Variants in POU2AF3 observed in about 807,000 individuals in gnomAD.
POU2AF3 encodes the protein POU class 2 homeobox associating factor 3, also known as cancer susceptibility candidate 13.
chr11:111,298,906 G>T, the POU2AF3 span: 1 of 1,099,172 alleles, frequency 9.1e-7, no homozygotes, highest in Non-Finnish European at 1.1e-6. Context: ...AAGCTGCTAC[G>T]GGGGGAGCTA....
chr11:111,306,427 C>T, the POU2AF3 span: 297 of 1,473,168 alleles, frequency 2.0e-4, no homozygotes, highest in African/African-American at 3.4e-3. Flanking sequence ...ATTTCTTCCA[C>T]GCCCAATTAT....
At chr11:111,303,592 G>C in the POU2AF3 span, among the ~76,000 whole-genome samples, 1 of 152,172 alleles carries the variant, frequency 6.6e-6, no homozygotes, top group Non-Finnish European at 1.5e-5. Flanking sequence ...CTACAATGAG[G>C]CAGATTTTTT....
the POU2AF3 span, chr11:111,298,828 C>CGGGCG: frequency 3.4e-5 from 14 of 411,060 alleles, no homozygotes; most frequent in Non-Finnish European, 5.7e-5. Flanking sequence ...TACCCCAGGC[C>CGGGCG]CCCGCCCGCC....
chr11:111,298,826 G>GCCGGGCC, the POU2AF3 span: 3 of 790,962 alleles, frequency 3.8e-6, no homozygotes, highest in Non-Finnish European at 5.1e-6. Context: ...CGTACCCCAG[G>GCCGGGCC]CCCCCGCCCG....
chr11:111,299,006 C>G, the POU2AF3 span: 1 of 995,884 alleles, frequency 1.0e-6, no homozygotes, highest in Non-Finnish European at 1.2e-6. Context: ...CCGAGGGGCG[C>G]CCGCTGCCCG....
the POU2AF3 span, among the ~76,000 whole-genome samples, chr11:111,307,461 A>G: frequency 2.0e-5 from 3 of 152,306 alleles, no homozygotes; most frequent in Middle Eastern, 3.4e-3. Context: ...TCACGGGGAA[A>G]ATATGGGGCC....
At chr11:111,303,444 T>C in the POU2AF3 span, among the ~76,000 whole-genome samples, 1 of 152,200 alleles carries the variant, frequency 6.6e-6, no homozygotes, top group African/African-American at 2.4e-5. Context: ...TTTGTATTCT[T>C]GGAGCAAAGT....
chr11:111,298,940 G>A, the POU2AF3 span: 10 of 1,043,412 alleles, frequency 9.6e-6, no homozygotes, highest in Non-Finnish European at 1.0e-5. Context: ...AGCCTGGGAC[G>A]GGGGCAGAGC....
At chr11:111,306,037 G>C in the POU2AF3 span, among the ~76,000 whole-genome samples, 1 of 152,180 alleles carries the variant, frequency 6.6e-6, no homozygotes, top group Non-Finnish European at 1.5e-5. Context: ...TTACTTCTGA[G>C]AGGTTTACGT....
chr11:111,300,972 C>G, the POU2AF3 span, among the ~76,000 whole-genome samples: 1 of 152,186 alleles, frequency 6.6e-6, no homozygotes, highest in South Asian at 2.1e-4. Flanking sequence ...CTTGCAGACC[C>G]ATAGAAAATC....
chr11:111,298,826 G>GGCGGCC, the POU2AF3 span: 2 of 790,962 alleles, frequency 2.5e-6, no homozygotes, highest in Non-Finnish European at 3.4e-6. Flanking sequence ...CGTACCCCAG[G>GGCGGCC]CCCCCGCCCG....
the POU2AF3 span, chr11:111,298,826 G>GCGGGGGGGGGC: frequency 1.2e-4 from 98 of 790,944 alleles, no homozygotes; most frequent in South Asian, 2.0e-4. Context: ...CGTACCCCAG[G>GCGGGGGGGGGC]CCCCCGCCCG....
At chr11:111,299,207 G>T in the POU2AF3 span, 1 of 977,464 alleles carries the variant, frequency 1.0e-6, no homozygotes, top group Non-Finnish European at 1.2e-6. Context: ...CTGCTGTCCA[G>T]CTGCGGTCCC....
At chr11:111,303,090 A>G in the POU2AF3 span, among the ~76,000 whole-genome samples, 1 of 152,228 alleles carries the variant, frequency 6.6e-6, no homozygotes. Context: ...TTAAGAAGGC[A>G]ATCACGAATG....
chr11:111,307,389 T>C, the POU2AF3 span, among the ~76,000 whole-genome samples: 139 of 152,312 alleles, frequency 9.1e-4, 1 homozygote, highest in African/African-American at 3.0e-3. Flanking sequence ...CAAAAGTCTG[T>C]GTGGGCATCA....
the POU2AF3 span, chr11:111,304,966 T>C: frequency 4.1e-6 from 5 of 1,232,960 alleles, no homozygotes; most frequent in Non-Finnish European, 4.0e-6. Flanking sequence ...CAGACCCAGT[T>C]GCACCATCTT....
At chr11:111,305,551 C>T in the POU2AF3 span, among the ~76,000 whole-genome samples, 2 of 152,202 alleles carry the variant, frequency 1.3e-5, no homozygotes, top group Admixed American at 1.3e-4. Context: ...TATGGCCTCT[C>T]CCCACTAAAT....
the POU2AF3 span, chr11:111,298,624 G>T: frequency 2.1e-4 from 259 of 1,246,010 alleles, no homozygotes; most frequent in Non-Finnish European, 2.6e-4. Flanking sequence ...CGGGTCAGGC[G>T]GGCCAGGGGC....
At chr11:111,306,666 A>G in the POU2AF3 span, 13 of 1,421,756 alleles carry the variant, frequency 9.1e-6, no homozygotes, top group African/African-American at 5.7e-5. Flanking sequence ...GTGTCTAACT[A>G]TGGGGTAATA....
Sources: allele counts gnomAD v4.1 joint callset (sites outside exome capture counted in the v4.1 genomes callset), GRCh38; gene constraint gnomAD v4.1.1; transcripts MANE v1.5; gene names NCBI Gene and HGNC (gene_info 2026-07-23, HGNC 2026-07-21).